The following SGCZ variants were observed in gnomAD, a reference collection of about 807,000 sequenced individuals.
SGCZ encodes the protein sarcoglycan zeta, also known as zeta-sarcoglycan.
In SGCZ, 40 loss-of-function variants were observed where a neutral mutation model predicts 41.3. The ratio of observed to expected loss-of-function variants is 0.97; its 90% CI spans 0.75 to 1.26. SGCZ has a LOEUF of 1.26. Among genes scored for constraint, SGCZ ranks in the 50% most tolerant of loss-of-function variants. The pLI, the probability that SGCZ is intolerant of heterozygous loss-of-function variation, is 0.00. For synonymous variants in SGCZ, 206 were observed against 137.5 expected (o/e 1.50, Z -3.49); for missense variants, 552 against 369.8 (o/e 1.49, Z -4.04).
At chr8:14,494,601 G>A (rs1187046735) in intron 2 of SGCZ, among the ~76,000 whole-genome samples, 2 of 152,092 alleles carry the variant, frequency 1.3e-5, no homozygotes, top group African/African-American at 4.8e-5. Context: ...GAAGTTGTTT[G>A]ATTTTGTATT....
At chr8:15,048,816 A>G (rs1804409336) in intron 1 of SGCZ, among the ~76,000 whole-genome samples, 1 of 152,054 alleles carries the variant, frequency 6.6e-6, no homozygotes, top group African/African-American at 2.4e-5. Flanking sequence ...TTGTTTTTTT[A>G]ACGTAAGAAA....
intron 1 of SGCZ, among the ~76,000 whole-genome samples, chr8:15,030,780 A>G (rs1157968454): frequency 6.6e-6 from 1 of 152,182 alleles, no homozygotes; most frequent in Non-Finnish European, 1.5e-5. Flanking sequence ...CCACAAAACC[A>G]GACGAAGGGA....
At chr8:15,092,514 C>T (rs1319398507) in intron 1 of SGCZ, among the ~76,000 whole-genome samples, 1 of 152,148 alleles carries the variant, frequency 6.6e-6, no homozygotes, top group Non-Finnish European at 1.5e-5. Context: ...GAGAAAATTT[C>T]TCATTTACAT....
intron 2 of SGCZ, among the ~76,000 whole-genome samples, chr8:14,545,810 A>G (rs1803608824): frequency 6.6e-6 from 1 of 152,090 alleles, no homozygotes; most frequent in South Asian, 2.1e-4. Context: ...TTCAACAGCT[A>G]ATTTTCTTAA....
intron 5 of SGCZ, among the ~76,000 whole-genome samples, chr8:14,136,469 T>A (rs899046956): frequency 6.6e-6 from 1 of 152,074 alleles, no homozygotes; most frequent in East Asian, 1.9e-4. Flanking sequence ...TTTCCAATGG[T>A]CTTAGCAAAT....
At chr8:14,124,463 A>G (rs572623640) in intron 5 of SGCZ, among the ~76,000 whole-genome samples, 4 of 152,306 alleles carry the variant, frequency 2.6e-5, no homozygotes, top group African/African-American at 7.2e-5. Context: ...TTTGAAGACA[A>G]TGGTCAGCTT....
intron 2 of SGCZ, among the ~76,000 whole-genome samples, chr8:14,463,712 T>C (rs534871686): frequency 6.6e-6 from 1 of 151,870 alleles, no homozygotes; most frequent in South Asian, 2.1e-4. Flanking sequence ...GACCTAAAAG[T>C]AAAAGCATTT....
chr8:14,108,684 G>C (rs1166326810), intron 5 of SGCZ, among the ~76,000 whole-genome samples: 1 of 152,138 alleles, frequency 6.6e-6, no homozygotes. Flanking sequence ...TGAGATTTGA[G>C]AGAGGACACA....
intron 1 of SGCZ, among the ~76,000 whole-genome samples, chr8:14,647,582 T>C (rs1189951997): frequency 1.3e-5 from 2 of 152,046 alleles, no homozygotes; most frequent in African/African-American, 4.8e-5. Flanking sequence ...TAGACATGGT[T>C]GTGGCATAAA....
chr8:14,315,757 T>A (rs1191775455), intron 3 of SGCZ, among the ~76,000 whole-genome samples: 1 of 150,636 alleles, frequency 6.6e-6, no homozygotes, highest in African/African-American at 2.4e-5. Flanking sequence ...TGACAATAAG[T>A]ACATATAAAA....
At chr8:14,931,205 G>C (rs923572904) in intron 1 of SGCZ, among the ~76,000 whole-genome samples, 1 of 151,730 alleles carries the variant, frequency 6.6e-6, no homozygotes, top group Non-Finnish European at 1.5e-5. Flanking sequence ...TACATAATCT[G>C]CACTTACCAT....
At chr8:14,483,857 A>T (rs971196229) in intron 2 of SGCZ, among the ~76,000 whole-genome samples, 2 of 152,168 alleles carry the variant, frequency 1.3e-5, no homozygotes, top group Non-Finnish European at 2.9e-5. Context: ...GGTTGTTTTG[A>T]TTATACAAGC....
chr8:14,136,315 G>A (rs563070486), intron 5 of SGCZ, among the ~76,000 whole-genome samples: 44 of 152,292 alleles, frequency 2.9e-4, no homozygotes, highest in African/African-American at 9.9e-4. Flanking sequence ...AGTGGGTGCA[G>A]CCCATGAAGT....
chr8:14,585,283 A>G (rs1805021869), intron 1 of SGCZ, among the ~76,000 whole-genome samples: 1 of 152,074 alleles, frequency 6.6e-6, no homozygotes, highest in Admixed American at 6.6e-5. Context: ...TGTTTCATAT[A>G]TTTGTACTAT....
At chr8:14,164,896 G>C (rs1804160928) in intron 4 of SGCZ, 194 bp from the exon 5 acceptor site, 1 of 651,900 alleles carries the variant, frequency 1.5e-6, no homozygotes, top group African/African-American at 1.8e-5. Context: ...TCTGTGCTAG[G>C]CTGGTTAGGC....
chr8:14,648,123 T>C (rs529330612), intron 1 of SGCZ, among the ~76,000 whole-genome samples: 1 of 152,044 alleles, frequency 6.6e-6, no homozygotes, highest in Non-Finnish European at 1.5e-5. Context: ...CACCACCTCC[T>C]TAAAAGTTAA....
chr8:14,566,343 A>G (rs928799552), intron 1 of SGCZ, among the ~76,000 whole-genome samples: 1 of 152,216 alleles, frequency 6.6e-6, no homozygotes, highest in Non-Finnish European at 1.5e-5. Context: ...GGCACAAACA[A>G]GGAAGTAAAA....
At chr8:14,655,832 T>C (rs1807547822) in intron 1 of SGCZ, among the ~76,000 whole-genome samples, 1 of 152,104 alleles carries the variant, frequency 6.6e-6, no homozygotes, top group African/African-American at 2.4e-5. Context: ...ATGTTGTCAT[T>C]TAGGAGTGTT....
chr8:14,167,661 C>G (rs564356794), intron 4 of SGCZ, among the ~76,000 whole-genome samples: 77 of 152,162 alleles, frequency 5.1e-4, no homozygotes, highest in African/African-American at 1.8e-3. Context: ...GATATATGTG[C>G]AAATATTTTC....
Sources: allele counts gnomAD v4.1 joint callset (sites outside exome capture counted in the v4.1 genomes callset), GRCh38; gene constraint gnomAD v4.1.1; transcripts MANE v1.5; gene names NCBI Gene and HGNC (gene_info 2026-07-23, HGNC 2026-07-21).